ICA1L: variants seen among roughly 807,000 people sequenced by gnomAD.
ICA1L encodes the protein islet cell autoantigen 1 like.
Under a neutral mutation model 61.3 loss-of-function variants are expected in ICA1L, and 50 were observed. That is an observed-to-expected ratio of 0.82 (90% confidence interval 0.65 to 1.03). The LOEUF (loss-of-function observed/expected upper bound fraction) is 1.03, where lower values mean the gene tolerates loss of function less well. ICA1L is among the 50% of genes least tolerant of loss of function. ICA1L has a pLI of 0.00. For missense variants in ICA1L, 508 were observed against 556.7 expected (o/e 0.91, Z 0.88); for synonymous variants, 161 against 191.3 (o/e 0.84, Z 1.31).
chr2:202,825,817 T>C (rs571038146), intron 2 of ICA1L, 50 bp from the exon 3 acceptor site: 152 of 1,149,926 alleles, frequency 1.3e-4, no homozygotes, highest in East Asian at 1.8e-4. Flanking sequence ...TAAACAAATA[T>C]ATGTTATAAG....
chr2:202,834,132 G>A (rs879289360), intron 1 of ICA1L, among the ~76,000 whole-genome samples: 4 of 152,050 alleles, frequency 2.6e-5, no homozygotes, highest in African/African-American at 4.8e-5. Context: ...TGTTTCAAAC[G>A]TAATGTACAT....
intron 1 of ICA1L, among the ~76,000 whole-genome samples, chr2:202,861,401 CAAAAAAAAAA>C (rs61240847): frequency 5.1e-4 from 11 of 21,732 alleles, no homozygotes; most frequent in Admixed American, 2.1e-3. Context: ...GAGACTATCT[CAAAAAAAAAA>C]AAAAAAAAAA....
At chr2:202,790,667 CT>C (rs1692719261) in intron 10 of ICA1L, among the ~76,000 whole-genome samples, 1 of 152,174 alleles carries the variant, frequency 6.6e-6, no homozygotes, top group Non-Finnish European at 1.5e-5. Context: ...CTCCCATCTC[CT>C]CCCCAGATCC....
chr2:202,801,274 A>G (rs1007092573), intron 9 of ICA1L, among the ~76,000 whole-genome samples: 14 of 152,234 alleles, frequency 9.2e-5, no homozygotes, highest in African/African-American at 3.4e-4. Context: ...AGACATTTTC[A>G]GTAATGATCT....
rs572356062 is a variant in ICA1L, at chr2:202,774,132, TAATC to T, written c.*5397_*5400del. The T allele has an allele frequency of 6.9e-3, 9,617 of 1,387,760 alleles. 40 individuals carry two copies. The highest frequency in any genetic ancestry group is 8.8e-3 in the Non-Finnish European group (8,751 of 1,000,036). 86.0% of individuals were successfully genotyped at this position (1,387,760 alleles called of 1,614,324 possible). A position where few individuals can be genotyped will look rare whatever the true frequency, so the allele number is the denominator to read the frequency against. On this transcript the variant is annotated 3_prime_UTR_variant, in exon 13 of 13. Coordinates refer to ENST00000358299, the MANE Select transcript of ICA1L (RefSeq NM_001288622.3). ...GGATAAGCTATTCTCAACTCTTCATTAATCAATTCATTTGTTGATGCTTCATATC... is the reference window on the plus strand; with the variant it reads ...GGATAAGCTATTCTCAACTCTTCATTAATTCATTTGTTGATGCTTCATATC...
intron 1 of ICA1L, among the ~76,000 whole-genome samples, chr2:202,869,289 C>A (rs1309122347): frequency 1.3e-5 from 2 of 151,982 alleles, no homozygotes; most frequent in Non-Finnish European, 2.9e-5. Flanking sequence ...ACCCGGGAGG[C>A]GGAGCTTGCA....
In ICA1L at chr2:202,786,412, G is replaced by A. The variant is rs567014893; in HGVS notation, c.1244-405C>T. ...AAAATACAAAAAATTAGCCGGGCGCGGTGGCGGGCGCCTGTAGTCCCAGCT... is the reference window on the plus strand; with the variant it reads ...AAAATACAAAAAATTAGCCGGGCGCAGTGGCGGGCGCCTGTAGTCCCAGCT... On this transcript the variant is annotated intron_variant, in intron 11 of 12. Coordinates refer to ENST00000358299, the MANE Select transcript of ICA1L (RefSeq NM_001288622.3). Among the ~76,000 whole-genome samples the A allele has an allele frequency of 3.9e-4, 59 of 152,036 alleles. No homozygotes were observed. The South Asian group carries it at 7.7e-3, about 20-fold the overall frequency.
chr2:202,853,225 C>T (rs1366341300), intron 1 of ICA1L, among the ~76,000 whole-genome samples: 2 of 151,632 alleles, frequency 1.3e-5, no homozygotes, highest in Admixed American at 6.6e-5. Flanking sequence ...GGCGTAGTGG[C>T]GGGCACCTGT....
intron 8 of ICA1L, 80 bp downstream of exon 8, chr2:202,814,622 G>A (rs1316167504): frequency 1.1e-6 from 1 of 903,174 alleles, no homozygotes; most frequent in Non-Finnish European, 1.8e-6. Flanking sequence ...AGTAAGAGAA[G>A]AAACAATTCT....
intron 5 of ICA1L, among the ~76,000 whole-genome samples, chr2:202,819,078 G>A (rs964091830): frequency 5.9e-5 from 9 of 152,198 alleles, no homozygotes; most frequent in Non-Finnish European, 1.2e-4. Context: ...TGTAATCAAT[G>A]AGGCAAACCA....
rs926554028 is a variant in ICA1L at position 202,778,554 on chromosome 2, A to T, written c.*979T>A. On this transcript the variant is annotated 3_prime_UTR_variant, in exon 13 of 13. Coordinates refer to ENST00000358299, the MANE Select transcript of ICA1L (RefSeq NM_001288622.3). ...GGGTTAAATAATTATGTCACAAAAT[A>T]TGAGATAAGTATGCAAATATATGTA... The T allele has an allele frequency of 2.6e-5, 4 of 152,194 alleles. No homozygotes were observed. Among genetic ancestry groups the T allele is most frequent in the Non-Finnish European group, 4.4e-5 (3 of 68,030 alleles). The allele number at this position is 152,194 out of a possible 1,614,324, so 9.4% of individuals were successfully genotyped here.
intron 10 of ICA1L, among the ~76,000 whole-genome samples, chr2:202,796,079 A>G (rs899516174): frequency 1.5e-4 from 12 of 80,364 alleles, no homozygotes; most frequent in East Asian, 1.7e-3. Flanking sequence ...CTTTGGGGGA[A>G]AAAAAAAAGG....
chr2:202,812,081 A>G (rs1693394603), intron 8 of ICA1L, among the ~76,000 whole-genome samples: 1 of 152,184 alleles, frequency 6.6e-6, no homozygotes, highest in South Asian at 2.1e-4. Flanking sequence ...ACCATAGAGT[A>G]AGAAGTTTCA....
intron 12 of ICA1L, among the ~76,000 whole-genome samples, chr2:202,783,457 C>G (rs756571720): frequency 2.1e-4 from 32 of 152,190 alleles, no homozygotes; most frequent in Non-Finnish European, 3.1e-4. Flanking sequence ...CATTCCTGCA[C>G]TGGTAGTCCT....
At chr2:202,795,928 G>C (rs550464483) in intron 10 of ICA1L, among the ~76,000 whole-genome samples, 35 of 151,606 alleles carry the variant, frequency 2.3e-4, no homozygotes, top group Non-Finnish European at 4.1e-4. Context: ...CTGTAATCCC[G>C]GCTATTTGGG....
intron 5 of ICA1L, among the ~76,000 whole-genome samples, chr2:202,818,241 G>T (rs569415089): frequency 6.6e-6 from 1 of 152,312 alleles, no homozygotes; most frequent in Non-Finnish European, 1.5e-5. Flanking sequence ...AGTCCTTGGT[G>T]AGATCATGCA....
At chr2:202,816,611 A>T (rs887901200) in intron 6 of ICA1L, among the ~76,000 whole-genome samples, 1 of 152,180 alleles carries the variant, frequency 6.6e-6, no homozygotes, top group Non-Finnish European at 1.5e-5. Context: ...GTTTCAGGCA[A>T]GATGCTAAAC....
At chr2:202,841,260 T>A in intron 1 of ICA1L, 1 of 732,722 alleles carries the variant, frequency 1.4e-6, no homozygotes, top group Non-Finnish European at 2.5e-6. Context: ...GTTCTTGAAG[T>A]CTTCCACCAG....
chr2:202,859,088 T>C (rs1221378688), intron 1 of ICA1L, among the ~76,000 whole-genome samples: 1 of 152,218 alleles, frequency 6.6e-6, no homozygotes. Context: ...ATAGGCTCTT[T>C]TGTCTGTCTC....
Sources: gnomAD v4.1 joint callset for allele counts (sites outside exome capture counted in the v4.1 genomes callset) on GRCh38, gnomAD v4.1.1 for gene constraint, MANE v1.5 for transcripts, NCBI Gene and HGNC (gene_info 2026-07-23, HGNC 2026-07-21) for gene names.